NBR1: variants seen among roughly 807,000 people sequenced by gnomAD.
NBR1 encodes the protein NBR1 autophagy cargo receptor.
Under a neutral mutation model 115.5 loss-of-function variants are expected in NBR1, and 59 were observed. The ratio of observed to expected loss-of-function variants is 0.51; its 90% CI spans 0.41 to 0.63. The LOEUF (loss-of-function observed/expected upper bound fraction) is 0.63, where lower values mean the gene tolerates loss of function less well. Ranked by LOEUF, NBR1 falls within the 30% of genes least tolerant of loss-of-function variation. The pLI, the probability that NBR1 is intolerant of heterozygous loss-of-function variation, is 0.00. For synonymous variants in NBR1, 373 were observed against 414.7 expected, an observed-to-expected ratio of 0.90 and a Z score of 1.22; for missense variants, 1,043 against 1,150.5, an observed-to-expected ratio of 0.91 and a Z score of 1.35.
chr17:43,205,951 G>A (rs1378302352), intron 20 of NBR1, among the ~76,000 whole-genome samples: 30 of 151,362 alleles, frequency 2.0e-4, no homozygotes, highest in Admixed American at 1.3e-3. Context: ...AGGCTGAGGC[G>A]GGTGGATCAT....
chr17:43,178,633 TC>T (rs775003418), intron 3 of NBR1, among the ~76,000 whole-genome samples: 4 of 152,098 alleles, frequency 2.6e-5, no homozygotes, highest in Admixed American at 6.6e-5. Flanking sequence ...CACCTCGGAC[TC>T]CCAAAGTGCT....
intron 2 of NBR1, 112 bp downstream of exon 2, chr17:43,176,013 T>C: frequency 1.7e-6 from 1 of 596,770 alleles, no homozygotes; most frequent in Non-Finnish European, 2.9e-6. Context: ...ATAGTTACCA[T>C]TTCTGGGCCT....
At chr17:43,184,494 T>A (rs1290181312) in intron 5 of NBR1, among the ~76,000 whole-genome samples, 1 of 150,302 alleles carries the variant, frequency 6.7e-6, no homozygotes, top group African/African-American at 2.4e-5. Flanking sequence ...GCCTCCTGAG[T>A]AGCTGGGATT....
intron 1 of NBR1, among the ~76,000 whole-genome samples, chr17:43,173,804 T>G (rs2056436755): frequency 6.6e-6 from 1 of 152,092 alleles, no homozygotes. Context: ...CTTCCCAGTT[T>G]GTGTGCTCCT....
Position 43,178,016 on chromosome 17 carries a change from A to C in NBR1, c.165+18A>C, listed in dbSNP as rs1205981534. ...ATGAAGAGGTAAAATATATTATGGC[A>C]CTTATTGCTAGGTGTTCAGAATAGG... On this transcript the variant is annotated intron_variant, in intron 3 of 20. Coordinates refer to ENST00000590996, the MANE Select transcript of NBR1 (RefSeq NM_005899.5). 9 of 1,568,224 alleles carry C rather than the reference A, an allele frequency of 5.7e-6. No individual in the cohort carries two copies. Among genetic ancestry groups the C allele is most frequent in the Non-Finnish European group, 7.8e-6 (9 of 1,147,080 alleles).
intron 10 of NBR1, 111 bp from the exon 11 acceptor site, chr17:43,192,983 A>G: frequency 9.4e-7 from 1 of 1,063,434 alleles, no homozygotes; most frequent in Non-Finnish European, 1.4e-6. Context: ...TTTTAAGGCA[A>G]ATGGGTTAGC....
In NBR1 at chr17:43,179,422, T is replaced by G. The variant is rs761826142; in HGVS notation, c.184+10T>G. 6.2e-7 allele frequency: 1 copy of G among 1,611,930 alleles called. No homozygotes were observed. Among genetic ancestry groups the G allele is most frequent in the Non-Finnish European group, 8.5e-7 (1 of 1,178,236 alleles). The stretch of plus-strand genomic sequence containing the variant: ...TCCATCAACAGTCAAGGTGAGTCCC[T>G]AAGAGAGTCTGTTCAGCCTTGTTTA... On this transcript the variant is annotated intron_variant, in intron 4 of 20. Transcript: ENST00000590996.
intron 16 of NBR1, among the ~76,000 whole-genome samples, chr17:43,199,248 T>G (rs912603397): frequency 6.6e-6 from 1 of 152,152 alleles, no homozygotes; most frequent in African/African-American, 2.4e-5. Flanking sequence ...CTAAATTTTT[T>G]TTTTTTTGTA....
intron 14 of NBR1, 68 bp from the exon 15 acceptor site, chr17:43,196,413 C>G (rs1488549106): frequency 1.0e-6 from 1 of 974,154 alleles, no homozygotes; most frequent in East Asian, 2.9e-5. Flanking sequence ...ACTGCTACTT[C>G]TGGACACTGA....
chr17:43,171,023 T>G (rs568439908), upstream of NBR1: 16 of 152,392 alleles, frequency 1.0e-4, no homozygotes, highest in Non-Finnish European at 2.1e-4. Context: ...ATCTGCGCAC[T>G]CCTAGTTCCG....
chr17:43,199,324 C>T (rs2057141546), intron 16 of NBR1, among the ~76,000 whole-genome samples: 1 of 151,946 alleles, frequency 6.6e-6, no homozygotes, highest in South Asian at 2.1e-4. Context: ...GTCTGCCTGC[C>T]TTGGCCTCCC....
chr17:43,200,102 A>G, intron 16 of NBR1, 65 bp from the exon 17 acceptor site: 1 of 1,290,314 alleles, frequency 7.8e-7, no homozygotes, highest in Non-Finnish European at 1.1e-6. Context: ...GGCTTTACCA[A>G]GTAAGGATAG....
At chr17:43,195,605 T>G (rs1349215755) in intron 14 of NBR1, 5 of 148,488 alleles carry the variant, frequency 3.4e-5, no homozygotes, top group African/African-American at 1.3e-4. Context: ...GAGCTGAGAT[T>G]GCACCATTGC....
At chr17:43,186,108 T>A (rs2056794402) in intron 5 of NBR1, 142 bp from the exon 6 acceptor site, 2 of 594,248 alleles carry the variant, frequency 3.4e-6, no homozygotes. Flanking sequence ...ATTACATTTG[T>A]TGTTGGATTT....
rs547953700 is a variant in NBR1, at chr17:43,201,464, T to C, written c.2469-222T>C. On this transcript the variant is annotated intron_variant, in intron 17 of 20. Transcript: ENST00000590996. The stretch of plus-strand genomic sequence containing the variant: ...ACACCACTTGATATAGGTGGGGACA[T>C]GACCAGACTGAAGCCAACATTTCTA... 3.3e-5 allele frequency among the ~76,000 whole-genome samples: 5 copies of C among 152,316 alleles called. No homozygotes were observed. In the East Asian group the frequency reaches 9.6e-4, roughly 29 times the overall value.
At chr17:43,209,488 G>C (rs921440439) in intron 20 of NBR1, 21 of 1,274,942 alleles carry the variant, frequency 1.6e-5, no homozygotes, top group Admixed American at 1.0e-4. Context: ...ATTTCCCATA[G>C]CATCTTTCAG....
intron 5 of NBR1, among the ~76,000 whole-genome samples, chr17:43,184,080 T>A (rs1287042087): frequency 1.3e-5 from 2 of 152,006 alleles, no homozygotes; most frequent in Non-Finnish European, 2.9e-5. Context: ...CAGGCTGGAG[T>A]GCAGTGGTAT....
intron 8 of NBR1, chr17:43,190,129 A>C (rs1027846821): frequency 2.2e-5 from 6 of 269,406 alleles, no homozygotes; most frequent in East Asian, 1.6e-4. Flanking sequence ...GGTCTCTGTC[A>C]CCCAGGCTGG....
At chr17:43,195,520 A>C (rs2057045533) in intron 14 of NBR1, 1 of 181,034 alleles carries the variant, frequency 5.5e-6, no homozygotes. Context: ...GCATGGTGGC[A>C]CATGCCTGTA....
Sources: allele counts gnomAD v4.1 joint callset (sites outside exome capture counted in the v4.1 genomes callset), GRCh38; gene constraint gnomAD v4.1.1; transcripts MANE v1.5; gene names NCBI Gene and HGNC (gene_info 2026-07-23, HGNC 2026-07-21).